The following PTPRT variants were observed in gnomAD, a reference collection of about 807,000 sequenced individuals.
The protein encoded by PTPRT is receptor-type tyrosine-protein phosphatase T.
Under a neutral mutation model 176.8 loss-of-function variants are expected in PTPRT, and 56 were observed. That is an observed-to-expected ratio of 0.32 (90% CI 0.26 to 0.40). The LOEUF is 0.40. Among genes scored for constraint, PTPRT ranks in the 10% least tolerant of loss-of-function variants. PTPRT has a pLI of 1.00. For synonymous variants in PTPRT, 783 were observed against 739.0 expected (o/e 1.06, Z -0.96); for missense variants, 1,540 against 1,908.2 (o/e 0.81, Z 3.60).
intron 7 of PTPRT, among the ~76,000 whole-genome samples, chr20:42,485,264 A>C (rs1046122609): frequency 1.3e-5 from 2 of 152,222 alleles, no homozygotes; most frequent in Non-Finnish European, 2.9e-5. Context: ...GTTTCACTTC[A>C]ATTCCCACTT....
chr20:42,616,915 T>C (rs1309538450), intron 7 of PTPRT, among the ~76,000 whole-genome samples: 3 of 132,830 alleles, frequency 2.3e-5, no homozygotes, highest in Admixed American at 7.2e-5. Context: ...CTTTTCCTAA[T>C]TGAATACCCT....
At position 43,130,188 on chromosome 20, in the gene PTPRT, C is replaced by A. The variant is rs2867650; in HGVS notation, c.88+59458G>T. Among the ~76,000 whole-genome samples the A allele has an allele frequency of 1.2e-4, 19 of 152,364 alleles. 1 individual carries two copies. The highest frequency in any genetic ancestry group is 4.6e-4 in the African/African-American group (19 of 41,580). On this transcript the variant is annotated intron_variant, in intron 1 of 30. Coordinates refer to ENST00000373187, the MANE Select transcript of PTPRT (RefSeq NM_007050.6). The stretch of plus-strand genomic sequence containing the variant: ...TTTGTTTGTGCTCCTAAAACACAAC[C>A]GTCATTCAGAGACTGAACCACATGG...
At chr20:42,787,203 G>T (rs2077304342) in intron 3 of PTPRT, among the ~76,000 whole-genome samples, 1 of 152,192 alleles carries the variant, frequency 6.6e-6, no homozygotes, top group African/African-American at 2.4e-5. Flanking sequence ...TATGCATTCT[G>T]TAAATGTCTA....
intron 7 of PTPRT, among the ~76,000 whole-genome samples, chr20:42,634,029 ATATT>A (rs1285619509): frequency 3.7e-5 from 1 of 27,190 alleles, no homozygotes; most frequent in Non-Finnish European, 5.7e-5. Context: ...TATAATATAT[ATATT>A]ATATATATTA....
chr20:43,071,409 C>T (rs2011178725), intron 1 of PTPRT, among the ~76,000 whole-genome samples: 2 of 152,202 alleles, frequency 1.3e-5, no homozygotes, highest in Non-Finnish European at 2.9e-5. Flanking sequence ...TTGAGAACTG[C>T]AGCCTCAGAG....
intron 1 of PTPRT, among the ~76,000 whole-genome samples, chr20:42,962,831 G>A (rs4812662): frequency 6.6e-6 from 1 of 152,150 alleles, no homozygotes; most frequent in African/African-American, 2.4e-5. Context: ...ACTTTGGGAG[G>A]CTAGGTGGGC....
At chr20:43,072,764 TG>T (rs1485600031) in intron 1 of PTPRT, among the ~76,000 whole-genome samples, 1 of 152,198 alleles carries the variant, frequency 6.6e-6, no homozygotes, top group Non-Finnish European at 1.5e-5. Flanking sequence ...TGAACACTAA[TG>T]AAAAGAAATG....
At position 42,615,449 on chromosome 20, in the gene PTPRT, C is replaced by T. The variant is rs1278945563; in HGVS notation, c.1153+62417G>A. The stretch of plus-strand genomic sequence containing the variant: ...TGATTTATAGTCATTTGGGTATATA[C>T]CCAGTAATGGGATGGCTGGGTCAAA... On this transcript the variant is annotated intron_variant, in intron 7 of 30. Transcript: ENST00000373187. Among the ~76,000 whole-genome samples, 3 of 138,516 alleles carry T rather than the reference C, an allele frequency of 2.2e-5. 1 individual carries two copies. Among genetic ancestry groups the T allele is most frequent in the African/African-American group, 6.3e-5 (2 of 31,878 alleles). 90.9% of individuals were successfully genotyped at this position (138,516 alleles called of 152,430 possible). A position where few individuals can be genotyped will look rare whatever the true frequency, so the allele number is the denominator to read the frequency against.
intron 5 of PTPRT, among the ~76,000 whole-genome samples, chr20:42,765,026 C>A (rs141221854): frequency 6.6e-6 from 1 of 152,214 alleles, no homozygotes; most frequent in Admixed American, 6.5e-5. Flanking sequence ...AGCTCATCAA[C>A]CCTGTTGCAG....
chr20:42,929,886 A>G (rs1166784901), intron 1 of PTPRT, among the ~76,000 whole-genome samples: 5 of 152,236 alleles, frequency 3.3e-5, no homozygotes, highest in African/African-American at 4.8e-5. Context: ...CAATTTATTA[A>G]GTACTTGAAA....
intron 7 of PTPRT, among the ~76,000 whole-genome samples, chr20:42,510,896 C>G (rs1601160556): frequency 6.6e-6 from 1 of 152,138 alleles, no homozygotes; most frequent in Non-Finnish European, 1.5e-5. Flanking sequence ...CTCCAAAACT[C>G]ATGTTGAAAC....
At chr20:42,271,435 C>A (rs2056933619) in intron 13 of PTPRT, among the ~76,000 whole-genome samples, 1 of 152,132 alleles carries the variant, frequency 6.6e-6, no homozygotes. Flanking sequence ...CCCATAACAC[C>A]CTCATCTTCC....
rs10618644 is a variant in PTPRT at position 43,004,170 on chromosome 20, T to TA, written c.89-118239dup. Among the ~76,000 whole-genome samples, 267 of 127,314 alleles carry TA rather than the reference T, an allele frequency of 2.1e-3. 1 individual carries two copies. Among genetic ancestry groups the TA allele is most frequent in the South Asian group, 0.013 (49 of 3,838 alleles). The allele number at this position is 127,314 out of a possible 152,430, so 83.5% of individuals were successfully genotyped here. A position where few individuals can be genotyped will look rare whatever the true frequency, so the allele number is the denominator to read the frequency against. On this transcript the variant is annotated intron_variant, in intron 1 of 30. Coordinates refer to ENST00000373187, the MANE Select transcript of PTPRT (RefSeq NM_007050.6). ...AACGTTTTAAATCACAACCAAGATGTAAAAAAAAAAAAAAAAGACTACAAA... is the reference window on the plus strand; with the variant it reads ...AACGTTTTAAATCACAACCAAGATGTAAAAAAAAAAAAAAAAAGACTACAAA...
At chr20:42,991,844 G>A (rs1474633899) in intron 1 of PTPRT, among the ~76,000 whole-genome samples, 1 of 152,144 alleles carries the variant, frequency 6.6e-6, no homozygotes, top group Non-Finnish European at 1.5e-5. Flanking sequence ...TGATAACTGG[G>A]TGGAAAGTCC....
intron 16 of PTPRT, among the ~76,000 whole-genome samples, chr20:42,183,698 C>T (rs1439284558): frequency 6.6e-6 from 1 of 152,156 alleles, no homozygotes; most frequent in African/African-American, 2.4e-5. Flanking sequence ...TTGATTCCTT[C>T]TCTTCCTATA....
intron 7 of PTPRT, among the ~76,000 whole-genome samples, chr20:42,475,461 G>A (rs115671804): frequency 6.6e-6 from 1 of 152,230 alleles, no homozygotes; most frequent in Non-Finnish European, 1.5e-5. Context: ...AAGCCACAGA[G>A]TGAGAGGCAC....
intron 11 of PTPRT, among the ~76,000 whole-genome samples, chr20:42,337,154 G>A (rs753847417): frequency 1.3e-5 from 2 of 150,600 alleles, no homozygotes; most frequent in African/African-American, 5.0e-5. Context: ...ATATTTAGAA[G>A]CCCCCCCTTC....
rs1333960625 is a variant in PTPRT, at chr20:42,587,877, T to TA, written c.1153+89988_1153+89989insT. ...CAAATTCTGCCACTGTTTAGCTGGG[T>TA]GACTTTGGGCAAATTACTTCTAGTC... On this transcript the variant is annotated intron_variant, in intron 7 of 30. Coordinates refer to ENST00000373187, the MANE Select transcript of PTPRT (RefSeq NM_007050.6). Among the ~76,000 whole-genome samples the TA allele has an allele frequency of 9.2e-5, 14 of 152,266 alleles. No individual in the cohort carries two copies. In the East Asian group the frequency reaches 2.7e-3, roughly 29 times the overall value.
chr20:42,203,222 T>C lies in PTPRT; in HGVS notation c.2343-3834A>G, dbSNP rs563227534. 1.1e-4 allele frequency among the ~76,000 whole-genome samples: 17 copies of C among 152,336 alleles called. 2 individuals carry two copies. The East Asian group carries it at 3.3e-3, about 29-fold the overall frequency. On this transcript the variant is annotated intron_variant, in intron 15 of 30. Coordinates refer to ENST00000373187, the MANE Select transcript of PTPRT (RefSeq NM_007050.6). ...CCACAGTTTGGGGATCTATATCTATTCTTTCAGAATTCTGAATTTAAGTGT... is the reference window on the plus strand; with the variant it reads ...CCACAGTTTGGGGATCTATATCTATCCTTTCAGAATTCTGAATTTAAGTGT...
Sources: allele counts gnomAD v4.1 joint callset (sites outside exome capture counted in the v4.1 genomes callset), GRCh38; gene constraint gnomAD v4.1.1; transcripts MANE v1.5; gene names NCBI Gene and HGNC (gene_info 2026-07-23, HGNC 2026-07-21).